The following NPEPPS variants were observed in gnomAD, a reference collection of about 807,000 sequenced individuals.
The protein encoded by NPEPPS is puromycin-sensitive aminopeptidase.
NPEPPS carries 14 observed loss-of-function variants against 115.5 expected under a neutral mutation model. The ratio of observed to expected loss-of-function variants is 0.12; its 90% confidence interval spans 0.08 to 0.19. The LOEUF (loss-of-function observed/expected upper bound fraction) is 0.19, where lower values mean the gene tolerates loss of function less well. Ranked by LOEUF, NPEPPS falls within the 10% of genes least tolerant of loss-of-function variation. NPEPPS has a pLI of 1.00. For missense variants in NPEPPS, 523 were observed against 1,110.8 expected (o/e 0.47, Z 7.52); for synonymous variants, 285 against 390.6 (o/e 0.73, Z 3.19).
chr17:47,551,297 C>G (rs1241053931), intron 2 of NPEPPS, among the ~76,000 whole-genome samples: 1 of 152,124 alleles, frequency 6.6e-6, no homozygotes, highest in East Asian at 1.9e-4. Context: ...CTCACAAATT[C>G]TGGCCCCTCA....
chr17:47,532,275 G>T (rs1489538502), intron 1 of NPEPPS, among the ~76,000 whole-genome samples: 2 of 152,100 alleles, frequency 1.3e-5, no homozygotes, highest in Non-Finnish European at 2.9e-5. Context: ...CCCCATCTCC[G>T]CTTTTCCACC....
chr17:47,581,374 A>G (rs538218867), intron 4 of NPEPPS: 4 of 152,282 alleles, frequency 2.6e-5, no homozygotes, highest in African/African-American at 7.2e-5. Context: ...TCACTGTGAT[A>G]TCCATTCCAT....
At chr17:47,591,783 A>G (rs1241130777) in intron 10 of NPEPPS, 173 bp from the exon 11 acceptor site, 26 of 488,758 alleles carry the variant, frequency 5.3e-5, no homozygotes, top group Middle Eastern at 5.4e-4. Flanking sequence ...TGTTCTATTC[A>G]ACTTTATTAT....
chr17:47,542,597 G>GCCAGT lies in NPEPPS; in HGVS notation c.256-3310_256-3306dup, dbSNP rs527716321. 8.7e-5 allele frequency among the ~76,000 whole-genome samples: 13 copies of GCCAGT among 150,090 alleles called. No homozygotes were observed. The East Asian group carries it at 2.3e-3, about 27-fold the overall frequency. On this transcript the variant is annotated intron_variant, in intron 1 of 22. Transcript: ENST00000322157. ...TGGAAGATCTGTCAGCACTAAACCT[G>GCCAGT]CCAGTCACCATAGTGATAATTCATT...
At chr17:47,553,361 CT>C (rs989377158) in intron 2 of NPEPPS, among the ~76,000 whole-genome samples, 20 of 148,610 alleles carry the variant, frequency 1.3e-4, no homozygotes, top group Middle Eastern at 3.4e-3. Context: ...GGACAAGAGA[CT>C]TCTACTCAAA....
chr17:47,527,062 C>T (rs1004846417), upstream of NPEPPS, among the ~76,000 whole-genome samples: 2 of 152,206 alleles, frequency 1.3e-5, no homozygotes, highest in African/African-American at 4.8e-5. Flanking sequence ...AACTGTGGCT[C>T]TGCCAATTAT....
At chr17:47,554,382 T>G (rs1426569933) in intron 2 of NPEPPS, among the ~76,000 whole-genome samples, 3 of 151,916 alleles carry the variant, frequency 2.0e-5, no homozygotes. Context: ...TATTTATTTT[T>G]AGAGGCAGAG....
chr17:47,575,168 C>G (rs1220352916), intron 3 of NPEPPS, among the ~76,000 whole-genome samples: 2 of 152,196 alleles, frequency 1.3e-5, no homozygotes, highest in Non-Finnish European at 2.9e-5. Context: ...AGTCTACCGT[C>G]TTCTTTCTCA....
intron 12 of NPEPPS, 59 bp from the exon 13 acceptor site, chr17:47,596,294 T>C: frequency 1.8e-6 from 2 of 1,132,352 alleles, no homozygotes; most frequent in Non-Finnish European, 2.5e-6. Flanking sequence ...ATAAAATTTC[T>C]TTTTTGTTTA....
intron 13 of NPEPPS, among the ~76,000 whole-genome samples, chr17:47,596,767 G>T (rs756392474): frequency 2.6e-5 from 4 of 152,120 alleles, no homozygotes; most frequent in Non-Finnish European, 5.9e-5. Flanking sequence ...AAAAAATTAG[G>T]CCGGGCGTGG....
At position 47,617,985 on chromosome 17, in the gene NPEPPS, C is replaced by T. The variant is rs375027109; in HGVS notation, c.2296-365C>T. Among the ~76,000 whole-genome samples the T allele has an allele frequency of 1.2e-3, 183 of 152,208 alleles. 3 individuals are homozygous for T. The South Asian group carries it at 0.025, about 21-fold the overall frequency. Reference sequence around the variant, plus strand: ...ACCTCCCAGGTTCAAGCGATTCTCCCGCCTCGGCCTCCCAAGTAGCTGGGA... The same window carrying T: ...ACCTCCCAGGTTCAAGCGATTCTCCTGCCTCGGCCTCCCAAGTAGCTGGGA... On this transcript the variant is annotated intron_variant, in intron 19 of 22. Transcript: ENST00000322157.
chr17:47,622,915 A>C lies in NPEPPS; in HGVS notation c.*995A>C. ...TCCCGGTTCATTTTATGCGTGCGAGAAGTCAGTGGTAACTGCTGCAGGGCT... is the reference window on the plus strand; with the variant it reads ...TCCCGGTTCATTTTATGCGTGCGAGCAGTCAGTGGTAACTGCTGCAGGGCT... On this transcript the variant is annotated 3_prime_UTR_variant, in exon 23 of 23. Transcript: ENST00000322157. The C allele has an allele frequency of 2.2e-6, 1 of 456,024 alleles. No homozygotes were observed. Among genetic ancestry groups the C allele is most frequent in the South Asian group, 1.5e-5 (1 of 64,562 alleles). The allele number at this position is 456,024 out of a possible 1,614,324, so 28.2% of individuals were successfully genotyped here.
At chr17:47,596,785 C>A (rs1339616152) in intron 13 of NPEPPS, among the ~76,000 whole-genome samples, 1 of 152,210 alleles carries the variant, frequency 6.6e-6, no homozygotes, top group African/African-American at 2.4e-5. Flanking sequence ...TGGTGGCTCA[C>A]GCCTGTAATC....
chr17:47,560,958 C>G (rs1247886103), intron 2 of NPEPPS, among the ~76,000 whole-genome samples: 3 of 152,088 alleles, frequency 2.0e-5, no homozygotes, highest in Non-Finnish European at 4.4e-5. Flanking sequence ...TTCTGAGTTT[C>G]AAATAGATAA....
chr17:47,560,974 A>G (rs1470349399), intron 2 of NPEPPS, among the ~76,000 whole-genome samples: 1 of 152,238 alleles, frequency 6.6e-6, no homozygotes, highest in African/African-American at 2.4e-5. Context: ...GATAATTTGT[A>G]AAGGAAAATT....
intron 3 of NPEPPS, among the ~76,000 whole-genome samples, chr17:47,572,830 T>C (rs12603290): frequency 0.51 from 77,398 of 152,032 alleles, 20,231 homozygotes; most frequent in East Asian, 0.66. Context: ...GACTGGAGTG[T>C]AGTGGTGCGA....
At chr17:47,610,318 C>A (rs926258901) in intron 17 of NPEPPS, among the ~76,000 whole-genome samples, 8 of 151,960 alleles carry the variant, frequency 5.3e-5, no homozygotes, top group African/African-American at 1.9e-4. Context: ...TTTATATCTC[C>A]TTCTTTCACT....
chr17:47,579,772 A>G (rs1392666282), intron 4 of NPEPPS: 4 of 283,194 alleles, frequency 1.4e-5, no homozygotes, highest in Non-Finnish European at 2.8e-5. Flanking sequence ...TGAATTGCCT[A>G]TATACTGTGT....
At chr17:47,616,552 C>G (rs571011413) in intron 19 of NPEPPS, among the ~76,000 whole-genome samples, 2 of 151,654 alleles carry the variant, frequency 1.3e-5, no homozygotes, top group Non-Finnish European at 2.9e-5. Context: ...GGTGTGGTGG[C>G]GGGCGCCTGT....
Sources: gnomAD v4.1 joint callset for allele counts (sites outside exome capture counted in the v4.1 genomes callset) on GRCh38, gnomAD v4.1.1 for gene constraint, MANE v1.5 for transcripts, NCBI Gene and HGNC (gene_info 2026-07-23, HGNC 2026-07-21) for gene names.